Variants in GSE1 observed in about 807,000 individuals in gnomAD.
GSE1 encodes genetic suppressor element 1.
In GSE1, 32 loss-of-function variants were observed where a neutral mutation model predicts 112.6. That is an observed-to-expected ratio of 0.28 (90% CI 0.21 to 0.38). The LOEUF (loss-of-function observed/expected upper bound fraction) is 0.38. GSE1 is among the 10% of genes least tolerant of loss of function. The pLI is 1.00. For synonymous variants in GSE1, 1,115 were observed against 735.6 expected (o/e 1.52, Z -8.35); for missense variants, 2,348 against 1,699.2 (o/e 1.38, Z -6.71).
intron 9 of GSE1, chr16:85,662,745 C>A (rs1042940952): frequency 2.5e-5 from 13 of 525,542 alleles, no homozygotes; most frequent in Middle Eastern, 4.9e-4. Context: ...CCCAGGGGAC[C>A]ACCCAGCTAC....
intron 2 of GSE1, among the ~76,000 whole-genome samples, chr16:85,515,671 A>G (rs1239295056): frequency 1.3e-5 from 2 of 151,912 alleles, no homozygotes; most frequent in Non-Finnish European, 2.9e-5. Flanking sequence ...GGAGTTGGAA[A>G]TGTCCCTGAT....
intron 1 of GSE1, among the ~76,000 whole-genome samples, chr16:85,317,188 T>C (rs2046003806): frequency 6.6e-6 from 1 of 152,198 alleles, no homozygotes; most frequent in African/African-American, 2.4e-5. Context: ...CTTTGTCTGG[T>C]TGTAGTGACT....
intron 2 of GSE1, among the ~76,000 whole-genome samples, chr16:85,642,785 G>T (rs116409803): frequency 6.6e-6 from 1 of 152,202 alleles, no homozygotes; most frequent in Non-Finnish European, 1.5e-5. Flanking sequence ...ACAGCGGCTG[G>T]GGGAATGCCT....
intron 3 of GSE1, among the ~76,000 whole-genome samples, chr16:85,649,652 C>T (rs556991058): frequency 9.2e-5 from 14 of 152,160 alleles, no homozygotes; most frequent in Non-Finnish European, 2.1e-4. Flanking sequence ...ACCCCTGGCG[C>T]GCAGCCTGGA....
chr16:85,242,151 G>A (rs1379536871), intron 1 of GSE1, among the ~76,000 whole-genome samples: 2 of 152,160 alleles, frequency 1.3e-5, no homozygotes, highest in Non-Finnish European at 2.9e-5. Flanking sequence ...CAGGCATCTC[G>A]CCCTGTGGAT....
At chr16:85,177,258 C>A (rs2074486561) in intron 1 of GSE1, among the ~76,000 whole-genome samples, 1 of 152,232 alleles carries the variant, frequency 6.6e-6, no homozygotes, top group South Asian at 2.1e-4. Flanking sequence ...CAGGATCTCA[C>A]CCTTGTGAGG....
chr16:85,341,451 A>G (rs931695804), intron 1 of GSE1, among the ~76,000 whole-genome samples: 1 of 152,154 alleles, frequency 6.6e-6, no homozygotes, highest in Non-Finnish European at 1.5e-5. Context: ...TGAGGTTAGG[A>G]GTTTGAGACC....
chr16:85,643,086 C>T (rs748673671), intron 2 of GSE1, among the ~76,000 whole-genome samples: 23 of 152,138 alleles, frequency 1.5e-4, no homozygotes, highest in Non-Finnish European at 3.1e-4. Context: ...CTGTTTTTGC[C>T]CTCAATACAC....
intron 2 of GSE1, chr16:85,489,967 G>A (rs2050959614): frequency 6.6e-6 from 1 of 152,210 alleles, no homozygotes; most frequent in African/African-American, 2.4e-5. Flanking sequence ...GAGGCAGGAA[G>A]GACCTACCTC....
At chr16:85,566,010 C>G (rs566987583) in intron 1 of GSE1, among the ~76,000 whole-genome samples, 3 of 152,142 alleles carry the variant, frequency 2.0e-5, no homozygotes, top group African/African-American at 4.8e-5. Context: ...GGTTCCTTAC[C>G]CTCTCTGGAT....
chr16:85,193,609 G>A (rs1209194980), intron 1 of GSE1, among the ~76,000 whole-genome samples: 2 of 152,072 alleles, frequency 1.3e-5, no homozygotes, highest in Admixed American at 6.6e-5. Context: ...ACAGGCACCC[G>A]CCACCATGCC....
chr16:85,376,307 G>A (rs1001341205), intron 2 of GSE1, among the ~76,000 whole-genome samples: 2 of 152,184 alleles, frequency 1.3e-5, no homozygotes, highest in African/African-American at 2.4e-5. Context: ...GCTCGACCTC[G>A]GTTAGTCCTG....
intron 1 of GSE1, among the ~76,000 whole-genome samples, chr16:85,622,054 G>T (rs926442134): frequency 6.6e-5 from 10 of 152,202 alleles, no homozygotes; most frequent in Non-Finnish European, 1.0e-4. Flanking sequence ...GCGTGTGTGT[G>T]TGCATGTTGA....
chr16:85,334,423 C>T lies in GSE1; in HGVS notation c.2284-23040C>T, dbSNP rs189107044. ...AGTCACCATCCTGTTGCCAAGGTCC[C>T]GCACTTGGGCCCTTCTGGCCCCCTC... On this transcript the variant is annotated intron_variant, in intron 1 of 2. Transcript: ENST00000637419. 6.1e-3 allele frequency among the ~76,000 whole-genome samples: 931 copies of T among 152,336 alleles called. 30 individuals carry two copies. The highest frequency in any genetic ancestry group is 3.2e-3 in the Non-Finnish European group (220 of 68,036).
intron 2 of GSE1, among the ~76,000 whole-genome samples, chr16:85,474,268 C>T (rs1224048222): frequency 2.6e-5 from 4 of 152,094 alleles, no homozygotes; most frequent in Non-Finnish European, 5.9e-5. Context: ...GTGCAGCCTC[C>T]ACCCCGCCGG....
intron 1 of GSE1, among the ~76,000 whole-genome samples, chr16:85,307,546 G>A (rs1371969061): frequency 1.3e-5 from 2 of 152,214 alleles, no homozygotes; most frequent in East Asian, 1.9e-4. Flanking sequence ...ACAGAGCTTC[G>A]AGCTGTCCCT....
intron 1 of GSE1, among the ~76,000 whole-genome samples, chr16:85,273,688 C>G (rs969105553): frequency 2.6e-5 from 4 of 151,820 alleles, no homozygotes; most frequent in African/African-American, 9.7e-5. Context: ...GGCATGGGGT[C>G]TCCTTTTTGG....
At chr16:85,547,484 G>A (rs1345985266) in intron 2 of GSE1, among the ~76,000 whole-genome samples, 1 of 152,104 alleles carries the variant, frequency 6.6e-6, no homozygotes, top group African/African-American at 2.4e-5. Flanking sequence ...TCTTTTGTCT[G>A]TTCCTCTTTT....
At chr16:85,670,402 T>G (rs1003053171) in intron 14 of GSE1, among the ~76,000 whole-genome samples, 1 of 152,164 alleles carries the variant, frequency 6.6e-6, no homozygotes, top group Admixed American at 6.5e-5. Flanking sequence ...TTGATGTTGC[T>G]CCATCCTTGT....
Sources: allele counts gnomAD v4.1 joint callset (sites outside exome capture counted in the v4.1 genomes callset), GRCh38; gene constraint gnomAD v4.1.1; transcripts MANE v1.5; gene names NCBI Gene and HGNC (gene_info 2026-07-23, HGNC 2026-07-21).